USH2A: variants seen among roughly 807,000 people sequenced by gnomAD.
USH2A encodes usherin.
Under a neutral mutation model 538.9 loss-of-function variants are expected in USH2A, and 443 were observed. The ratio of observed to expected loss-of-function variants is 0.82; its 90% confidence interval spans 0.76 to 0.89. USH2A has a LOEUF of 0.89. Ranked by LOEUF, USH2A falls within the 40% of genes least tolerant of loss-of-function variation. USH2A has a pLI of 0.00. For synonymous variants in USH2A, 2,413 were observed against 2,273.5 expected (o/e 1.06, Z -1.75); for missense variants, 6,633 against 6,324.8 (o/e 1.05, Z -1.65).
chr1:215,744,657 A>C (rs1660412661), intron 58 of USH2A, among the ~76,000 whole-genome samples: 1 of 152,186 alleles, frequency 6.6e-6, no homozygotes, highest in South Asian at 2.1e-4. Flanking sequence ...TGCTTTTTAT[A>C]GATGTGGCCT....
intron 3 of USH2A, among the ~76,000 whole-genome samples, chr1:216,376,027 T>C (rs2102725168): frequency 6.6e-6 from 1 of 152,154 alleles, no homozygotes; most frequent in East Asian, 1.9e-4. Flanking sequence ...CCTGAAATTA[T>C]AATAACATCA....
At position 215,761,877 on chromosome 1, in the gene USH2A, T is replaced by C. The variant is rs1478845754; in HGVS notation, c.11048-2034A>G. Among the ~76,000 whole-genome samples the C allele has an allele frequency of 4.6e-5, 7 of 152,154 alleles. No individual in the cohort carries two copies. In the South Asian group the frequency reaches 1.4e-3, roughly 31 times the overall value. ...TCTTCTGGAGATTAAAAAAAACTCA[T>C]TTCAATATTAGGTTCCCTGTAATCA... On this transcript the variant is annotated intron_variant, in intron 56 of 71. Coordinates refer to ENST00000307340, the MANE Select transcript of USH2A (RefSeq NM_206933.4).
At chr1:216,308,192 G>GTAT in intron 9 of USH2A, among the ~76,000 whole-genome samples, 1 of 152,294 alleles carries the variant, frequency 6.6e-6, no homozygotes, top group Admixed American at 6.5e-5. Context: ...GCTTTCTGTA[G>GTAT]TATGATTGTT....
chr1:215,699,286 T>C (rs188151368), intron 61 of USH2A, among the ~76,000 whole-genome samples: 5 of 152,306 alleles, frequency 3.3e-5, no homozygotes, highest in Admixed American at 2.0e-4. Flanking sequence ...TGCTTAAGAT[T>C]GTCTTGGTTA....
At chr1:216,352,185 T>C (rs902487076) in intron 4 of USH2A, among the ~76,000 whole-genome samples, 1 of 151,930 alleles carries the variant, frequency 6.6e-6, no homozygotes, top group Non-Finnish European at 1.5e-5. Context: ...CTGGAGGTGA[T>C]CTTTAAGGGA....
chr1:215,951,148 G>T (rs1666902981), intron 37 of USH2A, among the ~76,000 whole-genome samples: 1 of 151,828 alleles, frequency 6.6e-6, no homozygotes, highest in Admixed American at 6.6e-5. Flanking sequence ...GTGATGTTAG[G>T]GTGTCAATTT....
intron 13 of USH2A, among the ~76,000 whole-genome samples, chr1:216,236,583 A>G (rs1181682430): frequency 6.6e-6 from 1 of 152,206 alleles, no homozygotes. Flanking sequence ...AATATCTTCT[A>G]TCCTCTAAAA....
At position 216,083,513 on chromosome 1, in the gene USH2A, G is replaced by T; in HGVS notation, c.5241C>A (p.Asp1747Glu). ...CGAAAAGAAGCAATCCATTTAATTGGTCAGTTCTGAACTTAAAGGAAATCT... is the reference window on the plus strand; with the variant it reads ...CGAAAAGAAGCAATCCATTTAATTGTTCAGTTCTGAACTTAAAGGAAATCT... ...NFEISFKFRT[D>E]QLNGLLLFVY... The change falls in exon 26 of 72, where the codon GAC becomes GAA. Residue 1747 changes from aspartate to glutamate, a missense_variant. Transcript: ENST00000307340. The T allele has an allele frequency of 6.2e-7, 1 of 1,612,360 alleles. No individual in the cohort carries two copies. The highest frequency in any genetic ancestry group is 8.5e-7 in the Non-Finnish European group (1 of 1,179,064).
chr1:215,640,612 G>A lies in USH2A; in HGVS notation c.14914C>T (p.Arg4972Cys), dbSNP rs766759858. The change falls in exon 68 of 72, where the codon CGC (arginine) becomes TGC (cysteine). Residue 4972 changes from arginine (R) to cysteine (C), a missense_variant. Physicochemically the swap from Arg to Cys is radical, Grantham distance 180. Transcript: ENST00000307340. ...KEYVLTDGGR[R>C]VYSGLDTTLY... Reference sequence around the variant, plus strand: ...GTGGTGTCCAAGCCGCTGTACACGCGTCGCCCTCCGTCGGTTAACACGTAC... The same window carrying A: ...GTGGTGTCCAAGCCGCTGTACACGCATCGCCCTCCGTCGGTTAACACGTAC... 24 of 1,613,608 alleles carry A rather than the reference G, an allele frequency of 1.5e-5. No homozygotes were observed. The highest frequency in any genetic ancestry group is 3.3e-4 in the Middle Eastern group (2 of 6,082).
intron 20 of USH2A, among the ~76,000 whole-genome samples, chr1:216,183,521 G>A (rs963939392): frequency 2.6e-5 from 4 of 151,820 alleles, no homozygotes; most frequent in East Asian, 3.9e-4. Flanking sequence ...CTCACCAACC[G>A]ATTTAAGATG....
chr1:215,953,853 C>A (rs367810370), intron 37 of USH2A, among the ~76,000 whole-genome samples: 2,299 of 150,120 alleles, frequency 0.015, 39 homozygotes, highest in South Asian at 0.059. Context: ...CAATGAACTC[C>A]AACAAATTTA....
At chr1:216,151,160 C>G (rs550802218) in intron 21 of USH2A, among the ~76,000 whole-genome samples, 2 of 152,128 alleles carry the variant, frequency 1.3e-5, no homozygotes, top group African/African-American at 2.4e-5. Flanking sequence ...TCCCCCTCTA[C>G]GCAGTTACCC....
chr1:216,399,561 T>A (rs2039273271), intron 3 of USH2A, among the ~76,000 whole-genome samples: 1 of 151,972 alleles, frequency 6.6e-6, no homozygotes, highest in Non-Finnish European at 1.5e-5. Flanking sequence ...TGAGGCAGAA[T>A]AAGGTGATAG....
At chr1:216,156,107 A>C (rs1386124025) in intron 21 of USH2A, among the ~76,000 whole-genome samples, 1 of 151,994 alleles carries the variant, frequency 6.6e-6, no homozygotes, top group Non-Finnish European at 1.5e-5. Context: ...TTTTTATTTC[A>C]GCCTCACCAT....
intron 64 of USH2A, among the ~76,000 whole-genome samples, chr1:215,668,416 T>A (rs1402819081): frequency 1.3e-5 from 2 of 152,250 alleles, no homozygotes; most frequent in Admixed American, 1.3e-4. Context: ...TTATTTTCCA[T>A]AAGAACTGGG....
chr1:216,296,852 T>C (rs1034501332), intron 9 of USH2A, among the ~76,000 whole-genome samples: 2 of 151,982 alleles, frequency 1.3e-5, no homozygotes, highest in Non-Finnish European at 2.9e-5. Context: ...AAATCAAATT[T>C]ATTTCATAAA....
At chr1:216,174,464 T>C in intron 21 of USH2A, 1 of 985,292 alleles carries the variant, frequency 1.0e-6, no homozygotes, top group Middle Eastern at 5.2e-4. Flanking sequence ...AGGAGGAGGG[T>C]AAGGCCAGTG....
At chr1:215,930,362 A>G (rs1284411414) in intron 38 of USH2A, among the ~76,000 whole-genome samples, 8 of 151,786 alleles carry the variant, frequency 5.3e-5, no homozygotes, top group Non-Finnish European at 1.5e-5. Flanking sequence ...TAGTTCTTTG[A>G]TGTAACAAAG....
intron 58 of USH2A, among the ~76,000 whole-genome samples, chr1:215,752,574 T>TAC: frequency 6.6e-6 from 1 of 152,202 alleles, no homozygotes; most frequent in Non-Finnish European, 1.5e-5. Flanking sequence ...GTCACGTCTA[T>TAC]TCCTTCTAGA....
Sources: gnomAD v4.1 joint callset for allele counts (sites outside exome capture counted in the v4.1 genomes callset) on GRCh38, gnomAD v4.1.1 for gene constraint, MANE v1.5 for transcripts, NCBI Gene and HGNC (gene_info 2026-07-23, HGNC 2026-07-21) for gene names.